SNCAIP: variants seen among roughly 807,000 people sequenced by gnomAD.
SNCAIP encodes synuclein alpha interacting protein, also known as synphilin-1.
Under a neutral mutation model 86.7 loss-of-function variants are expected in SNCAIP, and 43 were observed. That is an observed-to-expected ratio of 0.50 (90% CI 0.39 to 0.64). The LOEUF is 0.64. Ranked by LOEUF, SNCAIP falls within the 30% of genes least tolerant of loss-of-function variation. The probability of loss-of-function intolerance (pLI) is 0.00; values close to 1 mark genes in which losing one functional copy is unlikely to be tolerated. For synonymous variants in SNCAIP, 417 were observed against 427.2 expected (o/e 0.98, Z 0.29); for missense variants, 981 against 1,103.1 (o/e 0.89, Z 1.57).
Position 122,452,377 on chromosome 5 carries a change from C to T in SNCAIP, c.2754+776C>T, listed in dbSNP as rs1783873250. On this transcript the variant is annotated intron_variant, in intron 10 of 10. Transcript: ENST00000261368. ...GGTATAGCAGCCAAAATGCAAAACT[C>T]TCTGTGGAATGGAATGACCTAGATC... is the stretch of plus-strand genomic sequence containing the variant. Among the ~76,000 whole-genome samples, 4 of 152,300 alleles carry T rather than the reference C, an allele frequency of 2.6e-5. No homozygotes were observed. The South Asian group carries it at 8.3e-4, about 32-fold the overall frequency.
intron 1 of SNCAIP, among the ~76,000 whole-genome samples, chr5:122,322,791 T>A: frequency 6.6e-6 from 1 of 152,168 alleles, no homozygotes; most frequent in Non-Finnish European, 1.5e-5. Flanking sequence ...ACATTAGCCA[T>A]GTTTAAGTAA....
chr5:122,426,389 G>C (rs1214501348), intron 5 of SNCAIP, among the ~76,000 whole-genome samples: 1 of 152,104 alleles, frequency 6.6e-6, no homozygotes, highest in South Asian at 2.1e-4. Context: ...GAATTTGTTA[G>C]AGAAACCTAC....
At chr5:122,380,187 G>A (rs1766384087) in intron 1 of SNCAIP, among the ~76,000 whole-genome samples, 1 of 152,084 alleles carries the variant, frequency 6.6e-6, no homozygotes. Context: ...TTTTTGGTTG[G>A]TAAACTATTG....
chr5:122,385,212 A>G (rs1301425050), intron 1 of SNCAIP, among the ~76,000 whole-genome samples: 1 of 152,190 alleles, frequency 6.6e-6, no homozygotes, highest in Admixed American at 6.5e-5. Flanking sequence ...CCCTGGTACC[A>G]TATACTCCAT....
At chr5:122,343,957 T>C (rs1330922273) in intron 1 of SNCAIP, among the ~76,000 whole-genome samples, 1 of 152,176 alleles carries the variant, frequency 6.6e-6, no homozygotes, top group Admixed American at 6.5e-5. Context: ...TAAGGCCAAG[T>C]TGAATTTATT....
intron 1 of SNCAIP, among the ~76,000 whole-genome samples, chr5:122,387,416 T>A (rs1768399250): frequency 6.6e-6 from 1 of 152,188 alleles, no homozygotes; most frequent in African/African-American, 2.4e-5. Flanking sequence ...CCTCCCAAAG[T>A]GCTGGGATTA....
At chr5:122,322,702 G>T (rs889341546) in intron 1 of SNCAIP, among the ~76,000 whole-genome samples, 21 of 152,202 alleles carry the variant, frequency 1.4e-4, no homozygotes, top group African/African-American at 4.8e-4. Flanking sequence ...GGAACAGTTT[G>T]AGGGTGAGGT....
At chr5:122,318,397 T>C (rs536211738) in intron 1 of SNCAIP, among the ~76,000 whole-genome samples, 45 of 152,200 alleles carry the variant, frequency 3.0e-4, no homozygotes, top group Non-Finnish European at 4.7e-4. Flanking sequence ...CGTATGGCGT[T>C]GGATATACAT....
intron 1 of SNCAIP, among the ~76,000 whole-genome samples, chr5:122,362,463 G>T (rs897926814): frequency 2.6e-5 from 4 of 152,220 alleles, no homozygotes; most frequent in African/African-American, 7.2e-5. Context: ...TAACAGTGGA[G>T]AACCACATTT....
chr5:122,354,124 CAA>C (rs1760506042), intron 1 of SNCAIP, among the ~76,000 whole-genome samples: 2 of 152,174 alleles, frequency 1.3e-5, no homozygotes, highest in South Asian at 4.1e-4. Flanking sequence ...GTTTAGAATT[CAA>C]GTCTTCCAGC....
At chr5:122,438,602 T>C (rs1561771720) in intron 6 of SNCAIP, among the ~76,000 whole-genome samples, 1 of 152,232 alleles carries the variant, frequency 6.6e-6, no homozygotes, top group Non-Finnish European at 1.5e-5. Flanking sequence ...TGGTGCTGTT[T>C]TTGTGACCAG....
chr5:122,431,289 C>T (rs1335240490), intron 5 of SNCAIP, among the ~76,000 whole-genome samples: 1 of 152,088 alleles, frequency 6.6e-6, no homozygotes, highest in African/African-American at 2.4e-5. Context: ...ATTCACTATT[C>T]ACAAAAAAAA....
chr5:122,335,884 C>T (rs1756343299), intron 1 of SNCAIP, among the ~76,000 whole-genome samples: 1 of 152,182 alleles, frequency 6.6e-6, no homozygotes. Flanking sequence ...AGCCAAGGGC[C>T]ATCAGGCAAC....
At chr5:122,321,227 A>G (rs578138600) in intron 1 of SNCAIP, 5 of 152,362 alleles carry the variant, frequency 3.3e-5, no homozygotes, top group African/African-American at 9.6e-5. Context: ...TAGCATTTCC[A>G]TATGTAATCC....
chr5:122,381,637 C>T (rs933210344), intron 1 of SNCAIP, among the ~76,000 whole-genome samples: 67 of 150,496 alleles, frequency 4.5e-4, no homozygotes, highest in African/African-American at 1.4e-3. Flanking sequence ...TTCCTAGTCT[C>T]GATGGTCTTT....
intron 5 of SNCAIP, among the ~76,000 whole-genome samples, chr5:122,425,976 G>A (rs532862854): frequency 2.6e-4 from 39 of 152,316 alleles, no homozygotes; most frequent in African/African-American, 8.4e-4. Context: ...AGTGTCTTCA[G>A]TATCAAGAAT....
At chr5:122,460,586 C>T (rs1785939836) in intron 10 of SNCAIP, among the ~76,000 whole-genome samples, 4 of 152,066 alleles carry the variant, frequency 2.6e-5, no homozygotes, top group Admixed American at 2.6e-4. Flanking sequence ...TCCTCTTCCT[C>T]CCACCCCCAT....
intron 1 of SNCAIP, among the ~76,000 whole-genome samples, chr5:122,345,676 C>G (rs1758470096): frequency 6.8e-6 from 1 of 147,026 alleles, no homozygotes. Context: ...TGCTCAACAC[C>G]CGGAGTCAGG....
At chr5:122,351,494 GC>G (rs1580595593) in intron 1 of SNCAIP, among the ~76,000 whole-genome samples, 1 of 120,114 alleles carries the variant, frequency 8.3e-6, no homozygotes, top group South Asian at 2.8e-4. Context: ...CCGAGATCAT[GC>G]CATTGCACTC....
Sources: allele counts gnomAD v4.1 joint callset (sites outside exome capture counted in the v4.1 genomes callset), GRCh38; gene constraint gnomAD v4.1.1; transcripts MANE v1.5; gene names NCBI Gene and HGNC (gene_info 2026-07-23, HGNC 2026-07-21).